SUSD5: variants seen among roughly 807,000 people sequenced by gnomAD.
SUSD5 encodes sushi domain-containing protein 5.
A neutral mutation model predicts 29.5 loss-of-function variants in SUSD5; 33 were observed. The ratio of observed to expected loss-of-function variants is 1.12; its 90% CI spans 0.85 to 1.49. SUSD5 has a LOEUF of 1.49. SUSD5 is among the 40% of genes most tolerant of loss of function. The pLI is 0.00. For synonymous variants in SUSD5, 308 were observed against 325.3 expected (o/e 0.95, Z 0.57); for missense variants, 776 against 800.6 (o/e 0.97, Z 0.37).
In SUSD5 at chr3:33,153,610, C is replaced by CCGTA; in HGVS notation, c.1018_1021dup (p.Gly341ValfsTer5). 1 of 1,614,012 alleles carries CCGTA rather than the reference C, an allele frequency of 6.2e-7. No individual in the cohort carries two copies. Among genetic ancestry groups the CCGTA allele is most frequent in the Non-Finnish European group, 8.5e-7 (1 of 1,179,902 alleles). ...TGGCCCCGAGGGACCATCAGTGTTGCCGTAGATCACCTTGGTTTCAGGTTC... is the reference window on the plus strand; with the variant it reads ...TGGCCCCGAGGGACCATCAGTGTTGCCGTACGTAGATCACCTTGGTTTCAGGTTC... On this transcript the variant is annotated frameshift_variant, in exon 5 of 5. Coordinates refer to ENST00000309558, the MANE Select transcript of SUSD5 (RefSeq NM_015551.2). LOFTEE classifies it low-confidence loss of function (END_TRUNC).
rs867844861 is a variant in SUSD5 at position 33,167,191 on chromosome 3, T to A, written c.598+7695A>T. On this transcript the variant is annotated intron_variant, in intron 4 of 4. Coordinates refer to ENST00000309558, the MANE Select transcript of SUSD5 (RefSeq NM_015551.2). This position sits in a 1 kb window ranked among gnomAD's most constrained non-coding sequence, Gnocchi z 4.1. ...CGAGACTCCATCTCAAAAAAATATATATATATATAAATATATATATAAAAC... is the reference window on the plus strand; with the variant it reads ...CGAGACTCCATCTCAAAAAAATATAAATATATATAAATATATATATAAAAC... 1.2e-4 allele frequency among the ~76,000 whole-genome samples: 18 copies of A among 150,236 alleles called. No homozygotes were observed. Among genetic ancestry groups the A allele is most frequent in the South Asian group, 2.1e-4 (1 of 4,788 alleles).
intron 4 of SUSD5, among the ~76,000 whole-genome samples, chr3:33,156,203 G>C (rs974802904): frequency 2.6e-5 from 4 of 151,996 alleles, no homozygotes; most frequent in African/African-American, 9.7e-5. Context: ...ACCACACCCA[G>C]CTAATTTTGG....
In SUSD5 at chr3:33,152,818, C is replaced by T; in HGVS notation, c.1814G>A (p.Ser605Asn). 1 of 1,613,990 alleles carries T rather than the reference C, an allele frequency of 6.2e-7. No individual in the cohort carries two copies. The highest frequency in any genetic ancestry group is 8.5e-7 in the Non-Finnish European group (1 of 1,179,884). The change falls in exon 5 of 5, where the codon AGC (serine) becomes AAC (asparagine). Residue 605 changes from serine to asparagine, a missense_variant. By Grantham distance (46) the Ser-to-Asn change is conservative. Transcript: ENST00000309558. ...GCCAACATTCAGCTTGTACACAGAG[C>T]TCTTGTGCTGGCACTTGCGGTAGCC... ...VWGYRKCQHK[S>N]SVYKLNVGQR...
In SUSD5 at chr3:33,153,864, C is replaced by T. The variant is rs61742346; in HGVS notation, c.768G>A (p.Gly256=). 2,944 of 1,613,956 alleles carry T rather than the reference C, an allele frequency of 1.8e-3. 45 individuals carry two copies. The African/African-American group carries it at 0.033, about 18-fold the overall frequency. The change falls in exon 5 of 5, where the codon GGG becomes GGA. Residue 256 remains glycine, a synonymous_variant. Transcript: ENST00000309558. ...CTTTATCCCGGGCTATGTTTTCTCT[C>T]CCCACAGAAATGGAGACCAGACGGT... ...KQDRLVSISV[G]RENIARDKVF...
At chr3:33,212,956 T>C (rs1214752804) in intron 2 of SUSD5, among the ~76,000 whole-genome samples, 1 of 152,154 alleles carries the variant, frequency 6.6e-6, no homozygotes, top group African/African-American at 2.4e-5. Flanking sequence ...TACATGCAGA[T>C]GAGTATCCAC....
At position 33,152,627 on chromosome 3, in the gene SUSD5, G is replaced by T; in HGVS notation, c.*115C>A. The stretch of plus-strand genomic sequence containing the variant: ...TTCTCAGCCTATAAAACAAAGGGCT[G>T]AGGAAAAAATGATGAGCCTCAGTCC... On this transcript the variant is annotated 3_prime_UTR_variant, in exon 5 of 5. Coordinates refer to ENST00000309558, the MANE Select transcript of SUSD5 (RefSeq NM_015551.2). 1 of 1,198,242 alleles carries T rather than the reference G, an allele frequency of 8.3e-7. No homozygotes were observed. The highest frequency in any genetic ancestry group is 2.6e-5 in the East Asian group (1 of 39,034). 74.2% of individuals were successfully genotyped at this position (1,198,242 alleles called of 1,614,324 possible). A position where few individuals can be genotyped will look rare whatever the true frequency, so the allele number is the denominator to read the frequency against.
intron 3 of SUSD5, among the ~76,000 whole-genome samples, chr3:33,186,429 C>CTT (rs11372293): frequency 4.7e-4 from 69 of 146,376 alleles, no homozygotes; most frequent in East Asian, 1.0e-3. Flanking sequence ...TCCTTTCTTT[C>CTT]TTTTTTTTTT....
chr3:33,152,763 C>G lies in SUSD5; in HGVS notation c.1869G>C (p.Gln623His). The change falls in exon 5 of 5, where the codon CAG becomes CAC. Residue 623 changes from glutamine (Q) to histidine (H), a missense_variant. By Grantham distance (24) the Gln-to-His change is conservative (BLOSUM62 0). Coordinates refer to ENST00000309558, the MANE Select transcript of SUSD5 (RefSeq NM_015551.2). ...GTGCCTAGACCTTCTCCATCTCGATCTGCTGGTGGTAGTGCCGAGCCTGCC... is the reference window on the plus strand; with the variant it reads ...GTGCCTAGACCTTCTCCATCTCGATGTGCTGGTGGTAGTGCCGAGCCTGCC... ...GQRQARHYHQQIEMEKV is the reference protein window; with the variant it reads ...GQRQARHYHQHIEMEKV 4 of 1,611,238 alleles carry G rather than the reference C, an allele frequency of 2.5e-6. No individual in the cohort carries two copies. The highest frequency in any genetic ancestry group is 3.4e-6 in the Non-Finnish European group (4 of 1,178,416).
chr3:33,213,087 A>T (rs940315320), intron 2 of SUSD5, among the ~76,000 whole-genome samples: 1 of 152,222 alleles, frequency 6.6e-6, no homozygotes, highest in Non-Finnish European at 1.5e-5. Flanking sequence ...AATTTTTACA[A>T]TAAGCATGTA....
At position 33,152,459 on chromosome 3, in the gene SUSD5, T is replaced by G; in HGVS notation, c.*283A>C. On this transcript the variant is annotated 3_prime_UTR_variant, in exon 5 of 5. Transcript: ENST00000309558. ...AATACTGTGATGAAGGAAGAGGCGA[T>G]TTTTGACCTCACACTGGAAACAGGG... 5.2e-6 allele frequency: 2 copies of G among 385,380 alleles called. No homozygotes were observed. Among genetic ancestry groups the G allele is most frequent in the Non-Finnish European group, 4.6e-6 (1 of 216,000 alleles). 23.9% of individuals were successfully genotyped at this position (385,380 alleles called of 1,614,324 possible). A position where few individuals can be genotyped will look rare whatever the true frequency, so the allele number is the denominator to read the frequency against.
chr3:33,174,857 C>A, intron 4 of SUSD5, 29 bp downstream of exon 4: 2 of 1,610,188 alleles, frequency 1.2e-6, no homozygotes, highest in Non-Finnish European at 1.7e-6. Flanking sequence ...CGTGGGCACG[C>A]GAAGGTGGCC....
chr3:33,202,384 CAAG>C (rs2032137527), intron 3 of SUSD5, among the ~76,000 whole-genome samples: 1 of 152,112 alleles, frequency 6.6e-6, no homozygotes, highest in South Asian at 2.1e-4. Flanking sequence ...GATCACTCAC[CAAG>C]ACAGGGGAGC....
chr3:33,153,614 A>G lies in SUSD5; in HGVS notation c.1018T>C (p.Tyr340His). 2 of 1,614,028 alleles carry G rather than the reference A, an allele frequency of 1.2e-6. No homozygotes were observed. Among genetic ancestry groups the G allele is most frequent in the South Asian group, 2.2e-5 (2 of 91,086 alleles). The change falls in exon 5 of 5, where the codon TAC becomes CAC. Residue 340 changes from tyrosine to histidine, a missense_variant. Physicochemically the swap from Tyr to His is moderately conservative, Grantham distance 83 (BLOSUM62 2). Coordinates refer to ENST00000309558, the MANE Select transcript of SUSD5 (RefSeq NM_015551.2). The part of the protein sequence containing the change: ...VPGEPETKVI[Y>H]GNTDGPSGPF... ...CCCGAGGGACCATCAGTGTTGCCGT[A>G]GATCACCTTGGTTTCAGGTTCACCT...
intron 3 of SUSD5, among the ~76,000 whole-genome samples, chr3:33,206,870 T>C (rs1295034844): frequency 6.6e-6 from 1 of 152,142 alleles, no homozygotes; most frequent in Non-Finnish European, 1.5e-5. Context: ...AATCAGAATC[T>C]TTAGCGCTGG....
intron 2 of SUSD5, among the ~76,000 whole-genome samples, chr3:33,211,191 G>A (rs1170211879): frequency 1.3e-5 from 2 of 152,200 alleles, no homozygotes; most frequent in Non-Finnish European, 2.9e-5. Flanking sequence ...ACTGCACCCA[G>A]CTGTATGTTT....
At chr3:33,203,746 G>A (rs2032163227) in intron 3 of SUSD5, among the ~76,000 whole-genome samples, 1 of 152,176 alleles carries the variant, frequency 6.6e-6, no homozygotes, top group African/African-American at 2.4e-5. Context: ...TGAGCTTTCT[G>A]GAGGCATGCC....
chr3:33,168,388 A>G (rs772781405), intron 4 of SUSD5: 9 of 476,104 alleles, frequency 1.9e-5, no homozygotes, highest in Non-Finnish European at 2.5e-5. Flanking sequence ...GAAATTCTAA[A>G]TTCAGTTTCA....
At chr3:33,196,771 A>C (rs1009160884) in intron 3 of SUSD5, among the ~76,000 whole-genome samples, 1 of 152,216 alleles carries the variant, frequency 6.6e-6, no homozygotes, top group Non-Finnish European at 1.5e-5. Flanking sequence ...TATCCTGAGC[A>C]AACTGGAAGG....
At chr3:33,169,782 T>A (rs975080853) in intron 4 of SUSD5, among the ~76,000 whole-genome samples, 3 of 152,192 alleles carry the variant, frequency 2.0e-5, no homozygotes, top group Non-Finnish European at 4.4e-5. Flanking sequence ...GAGGTCCAGC[T>A]TGGGGTCAAG....
Sources: allele counts gnomAD v4.1 joint callset (sites outside exome capture counted in the v4.1 genomes callset), GRCh38; gene constraint gnomAD v4.1.1; non-coding constraint Gnocchi (gnomAD v3.1); transcripts MANE v1.5; gene names NCBI Gene and HGNC (gene_info 2026-07-23, HGNC 2026-07-21).